DAPP1: variants seen among roughly 807,000 people sequenced by gnomAD.
DAPP1 encodes the protein dual adaptor of phosphotyrosine and 3-phosphoinositides 1.
In DAPP1, 20 loss-of-function variants were observed where a neutral mutation model predicts 41.5. The ratio of observed to expected loss-of-function variants is 0.48; its 90% CI spans 0.34 to 0.70. The LOEUF (loss-of-function observed/expected upper bound fraction) is 0.70, where lower values mean the gene tolerates loss of function less well. DAPP1 is among the 30% of genes least tolerant of loss of function. The pLI is 0.01. For synonymous variants in DAPP1, 113 were observed against 116.2 expected, an observed-to-expected ratio of 0.97 and a Z score of 0.18; for missense variants, 233 against 333.4, an observed-to-expected ratio of 0.70 and a Z score of 2.35.
chr4:99,835,623 G>A lies in DAPP1; in HGVS notation c.102G>A (p.Gly34=), dbSNP rs370265313. ...GAAAGCGCTGTTCCCTCCTTTCTAG[G>A]TGGTATCACGGCAACCTCACACGCC... ...DGEAELLQDL[G]WYHGNLTRHA... is the part of the protein sequence containing the mutation. The change falls in exon 2 of 9, where the codon GGG becomes GGA. Residue 34 remains glycine (G), a splice_region_variant and synonymous_variant. Coordinates refer to ENST00000512369, the MANE Select transcript of DAPP1 (RefSeq NM_014395.3). The A allele has an allele frequency of 3.7e-6, 6 of 1,612,722 alleles. No individual in the cohort carries two copies. The highest frequency in any genetic ancestry group is 2.2e-5 in the East Asian group (1 of 44,882).
intron 6 of DAPP1, among the ~76,000 whole-genome samples, chr4:99,863,543 C>T (rs144148122): frequency 2.4e-4 from 36 of 152,204 alleles, no homozygotes; most frequent in African/African-American, 7.0e-4. Flanking sequence ...CCATCTTCAT[C>T]AGTAAGTTGA....
At chr4:99,853,977 T>C (rs1723958167) in intron 4 of DAPP1, among the ~76,000 whole-genome samples, 1 of 152,214 alleles carries the variant, frequency 6.6e-6, no homozygotes, top group South Asian at 2.1e-4. Flanking sequence ...CTCCTACAAT[T>C]TTCTTATATT....
intron 4 of DAPP1, among the ~76,000 whole-genome samples, chr4:99,857,770 T>C (rs1413174960): frequency 6.6e-6 from 1 of 151,840 alleles, no homozygotes; most frequent in African/African-American, 2.4e-5. Context: ...AGAGTTGTAA[T>C]ATTCTTGTTT....
At chr4:99,837,547 C>G (rs141193633) in intron 2 of DAPP1, among the ~76,000 whole-genome samples, 123 of 152,254 alleles carry the variant, frequency 8.1e-4, no homozygotes, top group African/African-American at 2.8e-3. Context: ...AGATGGAATT[C>G]TGTTTGAGTG....
intron 3 of DAPP1, among the ~76,000 whole-genome samples, chr4:99,844,942 A>G (rs1723616777): frequency 6.6e-6 from 1 of 152,208 alleles, no homozygotes; most frequent in Middle Eastern, 3.2e-3. Context: ...ACTAGTGACA[A>G]CTTAGAATTT....
At chr4:99,817,207 G>A (rs1722617519) in intron 1 of DAPP1, among the ~76,000 whole-genome samples, 193 bp downstream of exon 1, 1 of 152,130 alleles carries the variant, frequency 6.6e-6, no homozygotes, top group African/African-American at 2.4e-5. Context: ...CATTGGAAAA[G>A]CAGGCATTAT....
chr4:99,850,525 A>G (rs1723818760), intron 3 of DAPP1, among the ~76,000 whole-genome samples: 1 of 152,262 alleles, frequency 6.6e-6, no homozygotes, highest in Non-Finnish European at 1.5e-5. Flanking sequence ...AGTATTAAAT[A>G]TATGAAGTAG....
chr4:99,865,608 C>T (rs1724395000), intron 7 of DAPP1: 1 of 151,978 alleles, frequency 6.6e-6, no homozygotes, highest in Non-Finnish European at 1.5e-5. Flanking sequence ...TTCTTTGGAT[C>T]ATAGCACAAG....
At chr4:99,865,917 A>ATATATG (rs1724416006) in intron 7 of DAPP1, 117 bp from the exon 8 acceptor site, 1 of 108,792 alleles carries the variant, frequency 9.2e-6, no homozygotes, top group East Asian at 2.3e-4. Flanking sequence ...ATATATATAT[A>ATATATG]TATATATAAT....
At chr4:99,870,906 T>A (rs1215614757), downstream of DAPP1, among the ~76,000 whole-genome samples, 3 of 152,176 alleles carry the variant, frequency 2.0e-5, no homozygotes, top group Admixed American at 6.5e-5. Context: ...ACAATGGGTC[T>A]ATTGGGGTAT....
At chr4:99,823,321 A>G (rs1049838981) in intron 1 of DAPP1, among the ~76,000 whole-genome samples, 1 of 152,022 alleles carries the variant, frequency 6.6e-6, no homozygotes, top group South Asian at 2.1e-4. Flanking sequence ...TGAAAATAAT[A>G]GTAATATATA....
chr4:99,831,830 C>A (rs1723129220), intron 1 of DAPP1, among the ~76,000 whole-genome samples: 1 of 152,186 alleles, frequency 6.6e-6, no homozygotes, highest in Admixed American at 6.5e-5. Context: ...TTGTAATCTG[C>A]ATTTCTCTGA....
At chr4:99,828,193 G>T (rs17029542) in intron 1 of DAPP1, among the ~76,000 whole-genome samples, 1 of 152,130 alleles carries the variant, frequency 6.6e-6, no homozygotes, top group Non-Finnish European at 1.5e-5. Flanking sequence ...TGATGCTGTT[G>T]GTCCATACTT....
intron 8 of DAPP1, chr4:99,866,413 C>T: frequency 1.5e-6 from 1 of 678,420 alleles, no homozygotes; most frequent in Non-Finnish European, 2.6e-6. Flanking sequence ...TCAGTTTTGT[C>T]TGGAGGGGGA....
rs1488938032 is a variant in DAPP1, at chr4:99,816,959, C to A, written c.46C>A (p.Pro16Thr). 2.5e-6 allele frequency: 4 copies of A among 1,609,116 alleles called. No individual in the cohort carries two copies. Among genetic ancestry groups the A allele is most frequent in the Non-Finnish European group, 1.7e-6 (2 of 1,177,976 alleles). Residue 16 changes from proline (P) to threonine (T), a missense_variant, in exon 1 of 9, where the codon CCC (proline) becomes ACC (threonine). Coordinates refer to ENST00000512369, the MANE Select transcript of DAPP1 (RefSeq NM_014395.3). ...LLEGKMSTQD[P>T]SDLWSRSDGE... ...AGAAGGGAAGATGAGCACCCAGGAT[C>A]CCTCAGATCTGTGGAGCAGATCCGA...
rs921080648 is a variant in DAPP1 at position 99,868,506 on chromosome 4, A to T, written c.*321A>T. ...TTGTTTTCACTCATTGTGGTCCCCA[A>T]GCCTATTGACACTAGTTGCCTAGAG... On this transcript the variant is annotated 3_prime_UTR_variant, in exon 9 of 9. Transcript: ENST00000512369. The T allele has an allele frequency of 3.6e-6, 1 of 274,984 alleles. No individual in the cohort carries two copies. The highest frequency in any genetic ancestry group is 2.2e-5 in the African/African-American group (1 of 45,440). 17.0% of individuals were successfully genotyped at this position (274,984 alleles called of 1,614,324 possible). A position where few individuals can be genotyped will look rare whatever the true frequency, so the allele number is the denominator to read the frequency against.
chr4:99,865,900 AATATAT>A (rs58862847), intron 7 of DAPP1, 128 bp from the exon 8 acceptor site: 1,882 of 69,344 alleles, frequency 0.027, 47 homozygotes, highest in African/African-American at 0.034. Context: ...GTGTTCAACT[AATATAT>A]ATATATATAT....
At chr4:99,848,373 G>A (rs777804955) in intron 3 of DAPP1, among the ~76,000 whole-genome samples, 3 of 151,452 alleles carry the variant, frequency 2.0e-5, no homozygotes, top group Non-Finnish European at 4.4e-5. Context: ...GACTACAGAC[G>A]CATGCCACCA....
At position 99,869,460 on chromosome 4, in the gene DAPP1, C is replaced by T. The variant is rs571688576; in HGVS notation, c.*1275C>T. On this transcript the variant is annotated 3_prime_UTR_variant, in exon 9 of 9. Transcript: ENST00000512369. ...TGCTGCAAAGCTATGATATAAACTG[C>T]TCTTGCAGTCCAAAGGGATACCTGA... 1 of 152,286 alleles carries T rather than the reference C, an allele frequency of 6.6e-6. No individual in the cohort carries two copies. Among genetic ancestry groups the T allele is most frequent in the East Asian group, 1.9e-4 (1 of 5,184 alleles). The allele number at this position is 152,286 out of a possible 1,614,324, so 9.4% of individuals were successfully genotyped here. A position where few individuals can be genotyped will look rare whatever the true frequency, so the allele number is the denominator to read the frequency against.
Sources: allele counts gnomAD v4.1 joint callset (sites outside exome capture counted in the v4.1 genomes callset), GRCh38; gene constraint gnomAD v4.1.1; transcripts MANE v1.5; gene names NCBI Gene and HGNC (gene_info 2026-07-23, HGNC 2026-07-21).